Variants in TP53BP1 observed in about 807,000 individuals in gnomAD.
TP53BP1 encodes TP53-binding protein 1.
TP53BP1 carries 61 observed loss-of-function variants against 200.8 expected under a neutral mutation model. That is an observed-to-expected ratio of 0.30 (90% confidence interval 0.25 to 0.38). TP53BP1 has a LOEUF of 0.38. Ranked by LOEUF, TP53BP1 falls within the 10% of genes least tolerant of loss-of-function variation. TP53BP1 has a pLI of 1.00. For missense variants in TP53BP1, 2,144 were observed against 2,371.9 expected, an observed-to-expected ratio of 0.90 and a Z score of 2.00; for synonymous variants, 822 against 844.3, an observed-to-expected ratio of 0.97 and a Z score of 0.46.
In TP53BP1 at chr15:43,479,378, T is replaced by C. The variant is rs748807355; in HGVS notation, c.788+19A>G. ...CCTACAGCAAAACTCGTAAATCCTT[T>C]TTAGAAAGTTCGGCTTACCTTGCAG... On this transcript the variant is annotated intron_variant, in intron 7 of 27. Coordinates refer to ENST00000382044, the MANE Select transcript of TP53BP1 (RefSeq NM_001141980.3). 13 of 1,582,422 alleles carry C rather than the reference T, an allele frequency of 8.2e-6. No individual in the cohort carries two copies. The highest frequency in any genetic ancestry group is 1.0e-5 in the Non-Finnish European group (12 of 1,166,010).
chr15:43,447,330 T>C, intron 13 of TP53BP1, 36 bp downstream of exon 13: 2 of 1,584,534 alleles, frequency 1.3e-6, no homozygotes, highest in Non-Finnish European at 8.6e-7. Context: ...ATCTCAGAAA[T>C]TCTGCCTTAA....
intron 4 of TP53BP1, among the ~76,000 whole-genome samples, chr15:43,486,119 G>A (rs1221823417): frequency 2.0e-5 from 3 of 151,912 alleles, no homozygotes; most frequent in South Asian, 2.1e-4. Flanking sequence ...CCTCACGCCC[G>A]TAATCCCAGC....
intron 4 of TP53BP1, 93 bp from the exon 5 acceptor site, chr15:43,481,115 T>G: frequency 1.2e-5 from 18 of 1,460,622 alleles, no homozygotes; most frequent in East Asian, 2.3e-5. Context: ...CAACCATCTC[T>G]TAGCCAAACT....
intron 4 of TP53BP1, among the ~76,000 whole-genome samples, chr15:43,487,858 GA>G (rs958407700): frequency 1.3e-5 from 2 of 149,394 alleles, no homozygotes; most frequent in African/African-American, 2.5e-5. Flanking sequence ...TCAAAAACAA[GA>G]AAAAAAAATG....
At chr15:43,466,777 A>T (rs958786148) in intron 11 of TP53BP1, among the ~76,000 whole-genome samples, 1 of 152,170 alleles carries the variant, frequency 6.6e-6, no homozygotes, top group Non-Finnish European at 1.5e-5. Context: ...GGATGGCCTG[A>T]GTACAGAAGT....
intron 1 of TP53BP1, among the ~76,000 whole-genome samples, chr15:43,504,402 A>G (rs112178001): frequency 7.9e-4 from 120 of 152,306 alleles, no homozygotes; most frequent in African/African-American, 2.7e-3. Context: ...AATAATCCCT[A>G]TAAGGTGGGG....
intron 16 of TP53BP1, among the ~76,000 whole-genome samples, chr15:43,435,249 CAGACCA>C (rs1231730161): frequency 2.1e-4 from 21 of 97,774 alleles, no homozygotes; most frequent in African/African-American, 7.8e-4. Flanking sequence ...GGGTGACACA[CAGACCA>C]AGACCCCATC....
intron 7 of TP53BP1, 22 bp from the exon 8 acceptor site, chr15:43,477,781 G>A: frequency 6.7e-7 from 1 of 1,496,102 alleles, no homozygotes; most frequent in Non-Finnish European, 8.9e-7. Context: ...ATATCACCAG[G>A]AGAAAAAGTT....
At chr15:43,431,342 C>T (rs185082296) in intron 17 of TP53BP1, among the ~76,000 whole-genome samples, 14 of 152,190 alleles carry the variant, frequency 9.2e-5, no homozygotes, top group African/African-American at 3.4e-4. Flanking sequence ...CCCACTCTGC[C>T]ACTCAATGAA....
At chr15:43,451,667 C>T (rs1447522907) in intron 12 of TP53BP1, among the ~76,000 whole-genome samples, 6 of 152,162 alleles carry the variant, frequency 3.9e-5, no homozygotes, top group Admixed American at 1.3e-4. Flanking sequence ...GTTTTTATAG[C>T]AGCATGATTT....
chr15:43,466,787 T>A (rs914595232), intron 11 of TP53BP1, among the ~76,000 whole-genome samples: 1 of 152,102 alleles, frequency 6.6e-6, no homozygotes, highest in African/African-American at 2.4e-5. Flanking sequence ...AGTACAGAAG[T>A]TCGAGGTTAC....
intron 10 of TP53BP1, among the ~76,000 whole-genome samples, chr15:43,470,578 GA>G (rs1223477416): frequency 2.0e-5 from 3 of 152,020 alleles, no homozygotes; most frequent in East Asian, 3.9e-4. Flanking sequence ...TACAGATGAA[GA>G]AAAAAAATCT....
rs143262197 is a variant in TP53BP1 at position 43,457,158 on chromosome 15, C to G, written c.1450G>C (p.Asp484His). 9.5e-5 allele frequency: 153 copies of G among 1,612,750 alleles called. No homozygotes were observed. The East Asian group carries it at 3.4e-3, about 36-fold the overall frequency. Reference protein sequence around the residue: ...EQSNDGKKDGDMHSSSLTVEC... With the variant: ...EQSNDGKKDGHMHSSSLTVEC... ...ACTGTCAAAGATGAACTATGCATAT[C>G]TCCATCTTTCTTCCCATCATTTGAT... Residue 484 changes from aspartate (D) to histidine (H), a missense_variant, in exon 12 of 28, where the codon GAT (aspartate) becomes CAT (histidine). Asp to His is a moderately conservative substitution (Grantham distance 81). Coordinates refer to ENST00000382044, the MANE Select transcript of TP53BP1 (RefSeq NM_001141980.3).
chr15:43,483,966 G>A (rs1339229720), intron 4 of TP53BP1, among the ~76,000 whole-genome samples: 1 of 152,130 alleles, frequency 6.6e-6, no homozygotes, highest in Non-Finnish European at 1.5e-5. Flanking sequence ...CTACCTATCT[G>A]CTTATGAGTC....
intron 24 of TP53BP1, among the ~76,000 whole-genome samples, chr15:43,410,837 T>TA (rs1297652391): frequency 6.6e-6 from 1 of 152,190 alleles, no homozygotes; most frequent in Non-Finnish European, 1.5e-5. Flanking sequence ...CATCTCCACT[T>TA]AGTTCTGACT....
In TP53BP1 at chr15:43,404,488, G is replaced by C; in HGVS notation, c.*2895C>G. Reference sequence around the variant, plus strand: ...GAATCATCAGATCAACTCAGATTTGGCTCAACTACTGTTACGACTAGATTA... The same window carrying C: ...GAATCATCAGATCAACTCAGATTTGCCTCAACTACTGTTACGACTAGATTA... On this transcript the variant is annotated 3_prime_UTR_variant, in exon 28 of 28. Transcript: ENST00000382044. 6.2e-7 allele frequency: 1 copy of C among 1,614,118 alleles called. No homozygotes were observed.
chr15:43,479,377 T>C lies in TP53BP1; in HGVS notation c.788+20A>G, dbSNP rs777374233. The C allele has an allele frequency of 1.9e-5, 30 of 1,582,492 alleles. No homozygotes were observed. Among genetic ancestry groups the C allele is most frequent in the Non-Finnish European group, 2.6e-5 (30 of 1,165,982 alleles). ...CCCTACAGCAAAACTCGTAAATCCT[T>C]TTTAGAAAGTTCGGCTTACCTTGCA... On this transcript the variant is annotated intron_variant, in intron 7 of 27. Coordinates refer to ENST00000382044, the MANE Select transcript of TP53BP1 (RefSeq NM_001141980.3).
chr15:43,412,266 C>T (rs759155903), intron 24 of TP53BP1, among the ~76,000 whole-genome samples: 1 of 152,158 alleles, frequency 6.6e-6, no homozygotes, highest in Non-Finnish European at 1.5e-5. Flanking sequence ...AAATGCCAAC[C>T]CTCACAGATG....
chr15:43,407,790 T>C (rs1402845611), intron 27 of TP53BP1, 153 bp downstream of exon 27: 14 of 840,956 alleles, frequency 1.7e-5, no homozygotes, highest in Middle Eastern at 2.6e-4. Context: ...GCTTCACTTA[T>C]GTTGACTCAC....
Sources: gnomAD v4.1 joint callset for allele counts (sites outside exome capture counted in the v4.1 genomes callset) on GRCh38, gnomAD v4.1.1 for gene constraint, MANE v1.5 for transcripts, NCBI Gene and HGNC (gene_info 2026-07-23, HGNC 2026-07-21) for gene names.